Variants in OR6B1 observed in about 807,000 individuals in gnomAD.
OR6B1 encodes olfactory receptor 6B1.
Under a neutral mutation model 15.4 loss-of-function variants are expected in OR6B1, and 15 were observed. That is an observed-to-expected ratio of 0.97 (90% CI 0.65 to 1.50). The LOEUF (loss-of-function observed/expected upper bound fraction) is 1.50, where lower values mean the gene tolerates loss of function less well. Ranked by LOEUF, OR6B1 falls within the 40% of genes most tolerant of loss-of-function variation. The pLI is 0.00. For synonymous variants in OR6B1, 139 were observed against 144.9 expected, an observed-to-expected ratio of 0.96 and a Z score of 0.29; for missense variants, 384 against 385.0, an observed-to-expected ratio of 1.00 and a Z score of 0.02.
chr7:144,004,632 T>G lies in OR6B1; in HGVS notation c.636T>G (p.Phe212Leu), dbSNP rs200042556. 4 of 1,614,196 alleles carry G rather than the reference T, an allele frequency of 2.5e-6. No homozygotes were observed. Among genetic ancestry groups the G allele is most frequent in the Non-Finnish European group, 3.4e-6 (4 of 1,180,022 alleles). Reference protein sequence around the residue: ...LALVIFLFPLFITVLSYGCIL... With the variant: ...LALVIFLFPLLITVLSYGCIL... ...TGGTCATCTTCCTATTCCCACTCTT[T>G]ATTACTGTCCTGTCCTACGGATGCA... Residue 212 changes from phenylalanine to leucine, a missense_variant, in exon 2 of 2, where the codon TTT becomes TTG. Transcript: ENST00000641698.
At position 144,007,635 on chromosome 7, in the gene OR6B1, G is replaced by A. The variant is rs1489219017; in HGVS notation, c.*2703G>A. The A allele has an allele frequency of 6.6e-6, 1 of 151,588 alleles. No individual in the cohort carries two copies. Among genetic ancestry groups the A allele is most frequent in the East Asian group, 1.9e-4 (1 of 5,164 alleles). The allele number at this position is 151,588 out of a possible 1,614,324, so 9.4% of individuals were successfully genotyped here. On this transcript the variant is annotated 3_prime_UTR_variant, in exon 2 of 2. Coordinates refer to ENST00000641698, the MANE Select transcript of OR6B1 (RefSeq NM_001005281.3). ...ATACAATAGCAAAATATTAAAACTT[G>A]TTACCTTTGTGAGCAGAAACAGATA...
At position 144,004,648 on chromosome 7, in the gene OR6B1, T is replaced by C. The variant is rs769317140; in HGVS notation, c.652T>C (p.Tyr218His). Residue 218 changes from tyrosine to histidine, a missense_variant, in exon 2 of 2, where the codon TAC (tyrosine) becomes CAC (histidine). Coordinates refer to ENST00000641698, the MANE Select transcript of OR6B1 (RefSeq NM_001005281.3). The stretch of plus-strand genomic sequence containing the variant: ...CCCACTCTTTATTACTGTCCTGTCC[T>C]ACGGATGCATTCTGGCCACCATATT... ...LFPLFITVLS[Y>H]GCILATILCM... 6.2e-7 allele frequency: 1 copy of C among 1,614,246 alleles called. No individual in the cohort carries two copies. The highest frequency in any genetic ancestry group is 8.5e-7 in the Non-Finnish European group (1 of 1,180,032).
rs1483051198 is a variant in OR6B1 at position 144,007,748 on chromosome 7, G to A, written c.*2816G>A. The A allele has an allele frequency of 6.6e-6, 1 of 151,478 alleles. No individual in the cohort carries two copies. Among genetic ancestry groups the A allele is most frequent in the Admixed American group, 6.6e-5 (1 of 15,194 alleles). The allele number at this position is 151,478 out of a possible 1,614,324, so 9.4% of individuals were successfully genotyped here. A position where few individuals can be genotyped will look rare whatever the true frequency, so the allele number is the denominator to read the frequency against. ...ACATATTGTAATGGGTTGAATGGTG[G>A]CTCCCAAAAATATATTTTCACACTT... is the stretch of plus-strand genomic sequence containing the variant. On this transcript the variant is annotated 3_prime_UTR_variant, in exon 2 of 2. Transcript: ENST00000641698.
chr7:144,001,118 G>C (rs190680498), intron 1 of OR6B1, among the ~76,000 whole-genome samples: 1 of 152,200 alleles, frequency 6.6e-6, no homozygotes, highest in South Asian at 2.1e-4. Context: ...TTGGGGAAAA[G>C]TGCATAGCAG....
intron 1 of OR6B1, among the ~76,000 whole-genome samples, chr7:144,001,902 C>A (rs1317751132): frequency 6.6e-6 from 1 of 152,024 alleles, no homozygotes; most frequent in African/African-American, 2.4e-5. Flanking sequence ...ATACATTTAC[C>A]AAGCATTTCT....
chr7:144,008,190 G>T lies in OR6B1; in HGVS notation c.*3258G>T, dbSNP rs185878678. 6.6e-6 allele frequency: 1 copy of T among 152,316 alleles called. No individual in the cohort carries two copies. The highest frequency in any genetic ancestry group is 2.4e-5 in the African/African-American group (1 of 41,572). 9.4% of individuals were successfully genotyped at this position (152,316 alleles called of 1,614,324 possible). A position where few individuals can be genotyped will look rare whatever the true frequency, so the allele number is the denominator to read the frequency against. On this transcript the variant is annotated 3_prime_UTR_variant, in exon 2 of 2. Transcript: ENST00000641698. ...GGGAAATAAATACACATCCCAATTT[G>T]GGTGGCAATAAGTGCTATGGATGGG...
In OR6B1 at chr7:144,004,252, T is replaced by C; in HGVS notation, c.256T>C (p.Trp86Arg). 6.2e-7 allele frequency: 1 copy of C among 1,614,232 alleles called. No homozygotes were observed. Among genetic ancestry groups the C allele is most frequent in the East Asian group, 2.2e-5 (1 of 44,892 alleles). ...VTVPKLLFSF[W>R]SVNNSISFTL... ...TGTGCCCAAGTTACTGTTTAGTTTT[T>C]GGTCTGTGAACAACAGCATCTCTTT... The change falls in exon 2 of 2, where the codon TGG (tryptophan) becomes CGG (arginine). Residue 86 changes from tryptophan to arginine, a missense_variant. Coordinates refer to ENST00000641698, the MANE Select transcript of OR6B1 (RefSeq NM_001005281.3).
intron 1 of OR6B1, among the ~76,000 whole-genome samples, chr7:144,003,204 T>G (rs1025585601): frequency 6.6e-6 from 1 of 152,146 alleles, no homozygotes; most frequent in African/African-American, 2.4e-5. Context: ...TCATCACTGC[T>G]CTAATATGGG....
At chr7:144,001,236 G>A (rs1023579483) in intron 1 of OR6B1, among the ~76,000 whole-genome samples, 7 of 152,140 alleles carry the variant, frequency 4.6e-5, no homozygotes, top group African/African-American at 1.7e-4. Context: ...TAAGTAAAAA[G>A]GCTGTACATA....
intron 1 of OR6B1, among the ~76,000 whole-genome samples, chr7:144,003,605 C>T (rs1586858943): frequency 6.6e-6 from 1 of 152,088 alleles, no homozygotes; most frequent in East Asian, 1.9e-4. Flanking sequence ...TCAGGTGTAT[C>T]TTTTGGAATT....
At chr7:144,001,703 C>T (rs192594846) in intron 1 of OR6B1, among the ~76,000 whole-genome samples, 2 of 152,236 alleles carry the variant, frequency 1.3e-5, no homozygotes, top group African/African-American at 4.8e-5. Flanking sequence ...TTTCTCTTTC[C>T]ATCCATCTCT....
In OR6B1 at chr7:144,004,873, C is replaced by T. The variant is rs201135665; in HGVS notation, c.877C>T (p.Arg293Ter). Reference sequence around the variant, plus strand: ...CCCTTTCATTTATTGCCTAAGAAACCGAGAGGTCAAGGAAGCTCTGAAGAA... The same window carrying T: ...CCCTTTCATTTATTGCCTAAGAAACTGAGAGGTCAAGGAAGCTCTGAAGAA... ...LNPFIYCLRNREVKEALKKLA... is the reference protein window; with the variant it reads ...LNPFIYCLRN The change falls in exon 2 of 2, where the codon CGA becomes TGA. Residue 293 changes from arginine to a stop codon, truncating the protein, a stop_gained. Coordinates refer to ENST00000641698, the MANE Select transcript of OR6B1 (RefSeq NM_001005281.3). LOFTEE classifies it high-confidence loss of function. The T allele has an allele frequency of 3.7e-5, 60 of 1,611,886 alleles. No individual in the cohort carries two copies. The highest frequency in any genetic ancestry group is 6.7e-5 in the African/African-American group (5 of 74,906).
In OR6B1 at chr7:144,007,138, G is replaced by A. The variant is rs756967391; in HGVS notation, c.*2206G>A. 1.1e-4 allele frequency: 17 copies of A among 152,120 alleles called. No individual in the cohort carries two copies. Among genetic ancestry groups the A allele is most frequent in the Admixed American group, 2.6e-4 (4 of 15,254 alleles). The allele number at this position is 152,120 out of a possible 1,614,324, so 9.4% of individuals were successfully genotyped here. On this transcript the variant is annotated 3_prime_UTR_variant, in exon 2 of 2. Transcript: ENST00000641698. ...GAATATCTTGGAAAGGGAGAATGTA[G>A]AAGTAGGGTTTCTTGGGGAATTCTA...
In OR6B1 at chr7:144,007,783, A is replaced by G. The variant is rs759803886; in HGVS notation, c.*2851A>G. ...ATATATTTTCACACTTTCAACCTGG[A>G]ACTTGTGATTGGGAACTTATTTGAA... On this transcript the variant is annotated 3_prime_UTR_variant, in exon 2 of 2. Transcript: ENST00000641698. 1 of 152,030 alleles carries G rather than the reference A, an allele frequency of 6.6e-6. No homozygotes were observed. The highest frequency in any genetic ancestry group is 1.5e-5 in the Non-Finnish European group (1 of 68,014). The allele number at this position is 152,030 out of a possible 1,614,324, so 9.4% of individuals were successfully genotyped here. A position where few individuals can be genotyped will look rare whatever the true frequency, so the allele number is the denominator to read the frequency against.
Position 144,005,124 on chromosome 7 carries a change from A to G in OR6B1, c.*192A>G. On this transcript the variant is annotated 3_prime_UTR_variant, in exon 2 of 2. Transcript: ENST00000641698. ...TGCTCTAAGGCCATACACCTTCTAG[A>G]GAGCTAGAGAAAACAGTTCTCAATG... 1.8e-6 allele frequency: 1 copy of G among 546,982 alleles called. No individual in the cohort carries two copies. The highest frequency in any genetic ancestry group is 3.2e-6 in the Non-Finnish European group (1 of 310,814). The allele number at this position is 546,982 out of a possible 1,614,324, so 33.9% of individuals were successfully genotyped here.
At position 144,008,574 on chromosome 7, in the gene OR6B1, G is replaced by A. The variant is rs556188405; in HGVS notation, c.*3642G>A. On this transcript the variant is annotated 3_prime_UTR_variant, in exon 2 of 2. Transcript: ENST00000641698. ...TGGTGGGAAGTGATTGCATCATGGG[G>A]GTGGTTCCCCCATGCTGTTCTCATG... The A allele has an allele frequency of 2.0e-5, 3 of 152,196 alleles. No homozygotes were observed. Among genetic ancestry groups the A allele is most frequent in the African/African-American group, 7.2e-5 (3 of 41,530 alleles). The allele number at this position is 152,196 out of a possible 1,614,324, so 9.4% of individuals were successfully genotyped here. A position where few individuals can be genotyped will look rare whatever the true frequency, so the allele number is the denominator to read the frequency against.
At chr7:144,003,908 G>A (rs1162173781) in intron 1 of OR6B1, 64 bp from the exon 2 acceptor site, 1 of 828,174 alleles carries the variant, frequency 1.2e-6, no homozygotes, top group African/African-American at 1.7e-5. Flanking sequence ...TACTGATAGA[G>A]AAGACAAGTA....
Position 144,004,637 on chromosome 7 carries a change from C to T in OR6B1, c.641C>T (p.Thr214Ile). The change falls in exon 2 of 2, where the codon ACT (threonine) becomes ATT (isoleucine). Residue 214 changes from threonine to isoleucine, a missense_variant. Physicochemically the swap from Thr to Ile is moderately conservative, Grantham distance 89 (BLOSUM62 -1). Coordinates refer to ENST00000641698, the MANE Select transcript of OR6B1 (RefSeq NM_001005281.3). ...LVIFLFPLFI[T>I]VLSYGCILAT... ...ATCTTCCTATTCCCACTCTTTATTA[C>T]TGTCCTGTCCTACGGATGCATTCTG... 3 of 1,614,204 alleles carry T rather than the reference C, an allele frequency of 1.9e-6. No individual in the cohort carries two copies. The highest frequency in any genetic ancestry group is 1.7e-6 in the Non-Finnish European group (2 of 1,180,016).
chr7:144,002,329 A>C (rs1392155141), intron 1 of OR6B1, among the ~76,000 whole-genome samples: 1 of 152,216 alleles, frequency 6.6e-6, no homozygotes, highest in African/African-American at 2.4e-5. Flanking sequence ...ATACTCAATA[A>C]ATTATTATTA....
Sources: allele counts gnomAD v4.1 joint callset (sites outside exome capture counted in the v4.1 genomes callset), GRCh38; gene constraint gnomAD v4.1.1; transcripts MANE v1.5; gene names NCBI Gene and HGNC (gene_info 2026-07-23, HGNC 2026-07-21).